Variants in PRKN observed in about 807,000 individuals in gnomAD.
The protein encoded by PRKN is E3 ubiquitin-protein ligase parkin.
In PRKN, 56 loss-of-function variants were observed where a neutral mutation model predicts 59.5. The ratio of observed to expected loss-of-function variants is 0.94; its 90% CI spans 0.76 to 1.18. The LOEUF (loss-of-function observed/expected upper bound fraction) is 1.18. Among genes scored for constraint, PRKN ranks in the 50% most tolerant of loss-of-function variants. The pLI is 0.00. For synonymous variants in PRKN, 250 were observed against 222.1 expected, an observed-to-expected ratio of 1.13 and a Z score of -1.12; for missense variants, 657 against 596.4, an observed-to-expected ratio of 1.10 and a Z score of -1.06.
rs183278850 is a variant in PRKN, at chr6:162,450,132, G to A, written c.8-6659C>T. ...GAAACCCAAATTTCTATCTATCCACGTCTCTGGCTAACCCCTGAATGATGA... is the reference window on the plus strand; with the variant it reads ...GAAACCCAAATTTCTATCTATCCACATCTCTGGCTAACCCCTGAATGATGA... On this transcript the variant is annotated intron_variant, in intron 1 of 11. Transcript: ENST00000366898. Among the ~76,000 whole-genome samples, 12 of 152,230 alleles carry A rather than the reference G, an allele frequency of 7.9e-5. No homozygotes were observed. The East Asian group carries it at 9.7e-4, about 12-fold the overall frequency.
chr6:162,681,763 A>T (rs1779777432), intron 1 of PRKN, among the ~76,000 whole-genome samples: 1 of 152,114 alleles, frequency 6.6e-6, no homozygotes, highest in African/African-American at 2.4e-5. Flanking sequence ...TCCAAGGTGA[A>T]CACCAAGTGG....
chr6:161,515,210 C>G (rs1001577099), intron 9 of PRKN, among the ~76,000 whole-genome samples: 1 of 152,092 alleles, frequency 6.6e-6, no homozygotes, highest in African/African-American at 2.4e-5. Context: ...ATAGTACCAA[C>G]GAGAAATCAG....
intron 9 of PRKN, among the ~76,000 whole-genome samples, chr6:161,443,526 G>A (rs905023814): frequency 5.9e-5 from 9 of 152,192 alleles, no homozygotes; most frequent in South Asian, 2.1e-4. Flanking sequence ...GTTCATTGTC[G>A]CACAGACTTT....
intron 1 of PRKN, among the ~76,000 whole-genome samples, chr6:162,562,381 C>G (rs113882817): frequency 1.3e-5 from 2 of 152,214 alleles, no homozygotes; most frequent in African/African-American, 2.4e-5. Flanking sequence ...GTCCAAAATG[C>G]CAAGTGTGCT....
chr6:162,009,167 T>A (rs1003916178), intron 5 of PRKN, among the ~76,000 whole-genome samples: 1 of 151,650 alleles, frequency 6.6e-6, no homozygotes, highest in Non-Finnish European at 1.5e-5. Context: ...GCAGGAGAAC[T>A]GCTTGAACCC....
intron 2 of PRKN, among the ~76,000 whole-genome samples, chr6:162,294,690 G>A (rs1026972378): frequency 6.6e-6 from 1 of 151,930 alleles, no homozygotes; most frequent in Non-Finnish European, 1.5e-5. Context: ...ATTGTATTAA[G>A]TTTTCTGCTG....
chr6:161,758,561 G>A (rs1234956091), intron 7 of PRKN, among the ~76,000 whole-genome samples: 1 of 152,052 alleles, frequency 6.6e-6, no homozygotes, highest in African/African-American at 2.4e-5. Flanking sequence ...ACATGGGAGG[G>A]GTCAATGGCT....
intron 11 of PRKN, among the ~76,000 whole-genome samples, chr6:161,358,747 T>G (rs1222641614): frequency 6.6e-6 from 1 of 150,738 alleles, no homozygotes; most frequent in Non-Finnish European, 1.5e-5. Flanking sequence ...TGGTGGAGAC[T>G]AGAGAAGCTC....
rs764086732 is a variant in PRKN at position 161,446,840 on chromosome 6, T to C, written c.1084-59963A>G. Reference sequence around the variant, plus strand: ...TTCTTTAAATTGCCATTTAATTCCATCCATCAACCCATTTTTCTGCTGTAT... The same window carrying C: ...TTCTTTAAATTGCCATTTAATTCCACCCATCAACCCATTTTTCTGCTGTAT... On this transcript the variant is annotated intron_variant, in intron 9 of 11. Coordinates refer to ENST00000366898, the MANE Select transcript of PRKN (RefSeq NM_004562.3). The surrounding 1 kb of genome is among the most constrained non-coding windows in gnomAD (Gnocchi z 6.2). Among the ~76,000 whole-genome samples the C allele has an allele frequency of 6.6e-6, 1 of 152,120 alleles. No individual in the cohort carries two copies. Among genetic ancestry groups the C allele is most frequent in the Non-Finnish European group, 1.5e-5 (1 of 68,022 alleles).
intron 2 of PRKN, among the ~76,000 whole-genome samples, chr6:162,265,459 G>A (rs941279940): frequency 6.6e-6 from 1 of 152,102 alleles, no homozygotes; most frequent in African/African-American, 2.4e-5. Context: ...GGGAGACTGG[G>A]GTGGGCGGAT....
At chr6:162,691,971 A>T (rs1393273111) in intron 1 of PRKN, among the ~76,000 whole-genome samples, 1 of 150,962 alleles carries the variant, frequency 6.6e-6, no homozygotes, top group Non-Finnish European at 1.5e-5. Context: ...CAAAAAGGCC[A>T]TGTGTCCATA....
intron 5 of PRKN, among the ~76,000 whole-genome samples, chr6:162,026,805 A>G (rs1783453158): frequency 6.6e-6 from 1 of 152,170 alleles, no homozygotes; most frequent in Non-Finnish European, 1.5e-5. Context: ...AGAGCAAATT[A>G]TTGGTATGTT....
intron 7 of PRKN, among the ~76,000 whole-genome samples, chr6:161,667,644 T>A (rs1456623704): frequency 6.6e-6 from 1 of 152,222 alleles, no homozygotes; most frequent in African/African-American, 2.4e-5. Context: ...CCCTAGTCCC[T>A]GATAGATGCT....
At chr6:161,874,028 TATATAA>T (rs1476231388) in intron 6 of PRKN, among the ~76,000 whole-genome samples, 34 of 27,858 alleles carry the variant, frequency 1.2e-3, no homozygotes, top group Non-Finnish European at 1.6e-3. Flanking sequence ...ATGTAAAATA[TATATAA>T]AATATATATT....
intron 1 of PRKN, among the ~76,000 whole-genome samples, chr6:162,723,360 T>A (rs762083783): frequency 1.3e-5 from 2 of 152,192 alleles, no homozygotes; most frequent in Non-Finnish European, 2.9e-5. Flanking sequence ...AAATCTTCGA[T>A]GGCACATGGG....
rs945094920 is a variant in PRKN at position 161,356,705 on chromosome 6, G to A, written c.1285+3383C>T. 5.3e-5 allele frequency among the ~76,000 whole-genome samples: 8 copies of A among 152,092 alleles called. No homozygotes were observed. Among genetic ancestry groups the A allele is most frequent in the African/African-American group, 9.7e-5 (4 of 41,386 alleles). On this transcript the variant is annotated intron_variant, in intron 11 of 11. Coordinates refer to ENST00000366898, the MANE Select transcript of PRKN (RefSeq NM_004562.3). The surrounding 1 kb of genome is among the most constrained non-coding windows in gnomAD (Gnocchi z 7.8). ...AGCTTAGCGGCTTGAGGAACTGGGC[G>A]GTGCTGTTGACTGAGGTGGGGTGCA...
chr6:161,898,932 G>A (rs909643360), intron 6 of PRKN, among the ~76,000 whole-genome samples: 2 of 152,206 alleles, frequency 1.3e-5, no homozygotes, highest in African/African-American at 2.4e-5. Context: ...TTATAACTCA[G>A]CATAAAGCAG....
intron 1 of PRKN, among the ~76,000 whole-genome samples, chr6:162,702,940 C>T (rs929130851): frequency 1.3e-5 from 2 of 151,852 alleles, no homozygotes; most frequent in African/African-American, 2.4e-5. Flanking sequence ...AAAGGAATAC[C>T]GAAAGCCAGT....
chr6:161,387,840 C>T (rs564154207), intron 9 of PRKN, among the ~76,000 whole-genome samples: 5 of 152,102 alleles, frequency 3.3e-5, no homozygotes, highest in Non-Finnish European at 7.4e-5. Flanking sequence ...TTAGGGGAGG[C>T]CTTCTTCAAT....
Sources: gnomAD v4.1 joint callset for allele counts (sites outside exome capture counted in the v4.1 genomes callset) on GRCh38, gnomAD v4.1.1 for gene constraint, Gnocchi (gnomAD v3.1) non-coding constraint, MANE v1.5 for transcripts, NCBI Gene and HGNC (gene_info 2026-07-23, HGNC 2026-07-21) for gene names.